The following C12orf42 variants were observed in gnomAD, a reference collection of about 807,000 sequenced individuals.
The protein encoded by C12orf42 is chromosome 12 open reading frame 42, also known as uncharacterized protein C12orf42.
In C12orf42, 25 loss-of-function variants were observed where a neutral mutation model predicts 21.6. The ratio of observed to expected loss-of-function variants is 1.16; its 90% CI spans 0.84 to 1.62. The LOEUF (loss-of-function observed/expected upper bound fraction) is 1.62, where lower values mean the gene tolerates loss of function less well. Ranked by LOEUF, C12orf42 falls within the 40% of genes most tolerant of loss-of-function variation. The pLI is 0.00. For missense variants in C12orf42, 483 were observed against 459.3 expected (o/e 1.05, Z -0.47); for synonymous variants, 174 against 175.0 (o/e 0.99, Z 0.05).
At chr12:103,290,987 T>C (rs1445573050) in intron 4 of C12orf42, among the ~76,000 whole-genome samples, 2 of 152,124 alleles carry the variant, frequency 1.3e-5, no homozygotes, top group Non-Finnish European at 2.9e-5. Context: ...ATGCTATACA[T>C]GCATGTAACA....
At chr12:103,076,986 C>T in the C12orf42 span, among the ~76,000 whole-genome samples, 1 of 152,066 alleles carries the variant, frequency 6.6e-6, no homozygotes, top group African/African-American at 2.4e-5. Flanking sequence ...TCATATCAGC[C>T]AGTCAATTAA....
At chr12:103,210,065 T>A in the C12orf42 span, among the ~76,000 whole-genome samples, 3 of 152,090 alleles carry the variant, frequency 2.0e-5, no homozygotes, top group Non-Finnish European at 4.4e-5. Flanking sequence ...TTTTTTTTTT[T>A]AAGTGTCTTC....
At chr12:103,215,847 G>A in the C12orf42 span, among the ~76,000 whole-genome samples, 2 of 152,182 alleles carry the variant, frequency 1.3e-5, no homozygotes, top group African/African-American at 4.8e-5. Context: ...CATGCTGGAT[G>A]AGAAAGAAAA....
At chr12:103,394,644 T>C (rs556688483) in intron 3 of C12orf42, among the ~76,000 whole-genome samples, 2 of 152,326 alleles carry the variant, frequency 1.3e-5, no homozygotes, top group African/African-American at 4.8e-5. Context: ...TACTAACGAT[T>C]GTTTCCCAAC....
intron 3 of C12orf42, chr12:103,396,396 C>T (rs1409224999): frequency 2.0e-5 from 3 of 152,162 alleles, no homozygotes; most frequent in African/African-American, 7.2e-5. Flanking sequence ...GTCAATTACG[C>T]CTCTTTTGTT....
the C12orf42 span, among the ~76,000 whole-genome samples, chr12:103,215,637 A>G: frequency 0.36 from 55,442 of 152,006 alleles, 10,812 homozygotes; most frequent in South Asian, 0.45. Flanking sequence ...CACACTTTGT[A>G]TAAAGGCTGG....
chr12:103,276,901 G>T (rs1230549049), intron 5 of C12orf42, among the ~76,000 whole-genome samples: 1 of 146,190 alleles, frequency 6.8e-6, no homozygotes, highest in Non-Finnish European at 1.5e-5. Flanking sequence ...GTTACTTTTA[G>T]GTCAATTTGG....
intron 2 of C12orf42, among the ~76,000 whole-genome samples, chr12:103,447,644 A>C (rs1951662471): frequency 6.6e-6 from 1 of 152,016 alleles, no homozygotes; most frequent in South Asian, 2.1e-4. Context: ...GCTATACACC[A>C]ACAGTGACCA....
At chr12:103,339,728 T>A (rs1000605866) in intron 4 of C12orf42, among the ~76,000 whole-genome samples, 7 of 152,188 alleles carry the variant, frequency 4.6e-5, no homozygotes, top group Admixed American at 3.9e-4. Context: ...AAAGGAACAC[T>A]TATACACTGT....
intron 2 of C12orf42, among the ~76,000 whole-genome samples, chr12:103,441,227 T>C (rs1293633100): frequency 1.3e-5 from 2 of 152,144 alleles, no homozygotes; most frequent in Non-Finnish European, 2.9e-5. Flanking sequence ...CCTAGACTAC[T>C]GGACAGAGAA....
chr12:103,170,572 T>C, the C12orf42 span, among the ~76,000 whole-genome samples: 2 of 120,238 alleles, frequency 1.7e-5, no homozygotes, highest in African/African-American at 6.0e-5. Flanking sequence ...TATAGTAGTA[T>C]GATCCTTTAA....
At chr12:103,274,084 C>G (rs1427406646) in intron 5 of C12orf42, among the ~76,000 whole-genome samples, 1 of 152,150 alleles carries the variant, frequency 6.6e-6, no homozygotes, top group Non-Finnish European at 1.5e-5. Context: ...AGAAACCCCT[C>G]TAAGTGCTTT....
chr12:103,076,804 A>G, the C12orf42 span, among the ~76,000 whole-genome samples: 1 of 152,182 alleles, frequency 6.6e-6, no homozygotes. Context: ...TTCTTATACC[A>G]ACCCTATAAT....
chr12:103,434,016 T>G lies in C12orf42; in HGVS notation c.79-32341A>C, dbSNP rs190632791. 3.3e-4 allele frequency among the ~76,000 whole-genome samples: 51 copies of G among 152,342 alleles called. 1 individual carries two copies. The highest frequency in any genetic ancestry group is 3.1e-3 in the Admixed American group (47 of 15,304). ...AAACTAACTTGGTTCTCCTGAATGC[T>G]CTACCAAACATGGCAGGTTTTGTTT... On this transcript the variant is annotated intron_variant, in intron 2 of 5. Transcript: ENST00000548883.
At chr12:103,106,617 G>A in the C12orf42 span, among the ~76,000 whole-genome samples, 18 of 151,590 alleles carry the variant, frequency 1.2e-4, no homozygotes, top group African/African-American at 4.3e-4. Flanking sequence ...TAAAATTATG[G>A]GTACCCAGTA....
chr12:103,524,172 T>C, the C12orf42 span, among the ~76,000 whole-genome samples: 2 of 152,228 alleles, frequency 1.3e-5, no homozygotes, highest in Admixed American at 1.3e-4. Flanking sequence ...TGCAAGGATT[T>C]CTTGCTCTTT....
intron 10 of C12orf42, among the ~76,000 whole-genome samples, chr12:103,240,526 T>C (rs1368839252): frequency 1.3e-5 from 2 of 152,180 alleles, no homozygotes; most frequent in African/African-American, 2.4e-5. Context: ...CCTGAAGTCA[T>C]GAGAACTGAA....
the C12orf42 span, among the ~76,000 whole-genome samples, chr12:103,076,235 T>C: frequency 1.3e-5 from 2 of 151,368 alleles, no homozygotes; most frequent in Admixed American, 1.3e-4. Context: ...AGTATAATGA[T>C]AATAATAATA....
chr12:103,203,844 C>T, the C12orf42 span, among the ~76,000 whole-genome samples: 1 of 152,010 alleles, frequency 6.6e-6, no homozygotes, highest in African/African-American at 2.4e-5. Context: ...AGATGTAATG[C>T]TAGGAAAGAT....
Sources: gnomAD v4.1 joint callset for allele counts (sites outside exome capture counted in the v4.1 genomes callset) on GRCh38, gnomAD v4.1.1 for gene constraint, MANE v1.5 for transcripts, NCBI Gene and HGNC (gene_info 2026-07-23, HGNC 2026-07-21) for gene names.